Variants in CCDC66 observed in about 807,000 individuals in gnomAD.
CCDC66 encodes coiled-coil domain containing 66.
In CCDC66, 133 loss-of-function variants were observed where a neutral mutation model predicts 128.3. The observed-to-expected ratio is 1.04, with a 90% CI of 0.90 to 1.20. The LOEUF (loss-of-function observed/expected upper bound fraction) is 1.20, where lower values mean the gene tolerates loss of function less well. CCDC66 is among the 50% of genes most tolerant of loss of function. The pLI is 0.00. For missense variants in CCDC66, 1,126 were observed against 1,075.5 expected (o/e 1.05, Z -0.66); for synonymous variants, 387 against 357.0 (o/e 1.08, Z -0.95).
chr3:56,608,311 G>A (rs1054922809), intron 10 of CCDC66, among the ~76,000 whole-genome samples: 1 of 152,088 alleles, frequency 6.6e-6, no homozygotes, highest in African/African-American at 2.4e-5. Flanking sequence ...CTCACTGCTT[G>A]CTATTGGTCT....
rs769219435 is a variant in CCDC66 at position 56,621,515 on chromosome 3, T to TA, written c.2761-16dup. On this transcript the variant is annotated splice_polypyrimidine_tract_variant and intron_variant, in intron 17 of 17. Transcript: ENST00000394672. ...TGTGCACATTTTACTAACAAACATA[T>TA]ATCAATGTGATTTCAGGGCCTTCTC... 24 of 1,537,064 alleles carry TA rather than the reference T, an allele frequency of 1.6e-5. No individual in the cohort carries two copies. Among genetic ancestry groups the TA allele is most frequent in the Non-Finnish European group, 2.1e-5 (24 of 1,127,642 alleles).
intron 7 of CCDC66, among the ~76,000 whole-genome samples, chr3:56,591,598 TTTTC>T (rs1403050888): frequency 1.3e-5 from 2 of 152,218 alleles, no homozygotes; most frequent in African/African-American, 4.8e-5. Flanking sequence ...CAATGCTCGT[TTTTC>T]TTTTCCCATT....
At chr3:56,601,535 T>C (rs1431335915) in intron 10 of CCDC66, among the ~76,000 whole-genome samples, 1 of 152,104 alleles carries the variant, frequency 6.6e-6, no homozygotes, top group Non-Finnish European at 1.5e-5. Context: ...TTGATGGGGA[T>C]AGCATTGAAT....
chr3:56,575,774 C>T (rs2067275684), intron 7 of CCDC66, among the ~76,000 whole-genome samples: 1 of 151,824 alleles, frequency 6.6e-6, no homozygotes, highest in South Asian at 2.1e-4. Context: ...AGGTCAGGGC[C>T]CTACTTTATT....
At chr3:56,597,776 G>GTTTTTTTTTTTTTTTTTTTTT (rs753875788) in intron 10 of CCDC66, among the ~76,000 whole-genome samples, 641 of 61,650 alleles carry the variant, frequency 0.01, 133 homozygotes, top group Non-Finnish European at 0.013. Context: ...TTTGTTTTGG[G>GTTTTTTTTTTTTTTTTTTTTT]GTTTTTTTTT....
At chr3:56,571,547 A>C (rs1045529097) in intron 7 of CCDC66, among the ~76,000 whole-genome samples, 1 of 151,788 alleles carries the variant, frequency 6.6e-6, no homozygotes, top group Non-Finnish European at 1.5e-5. Flanking sequence ...ATGGCCAGCT[A>C]ATTTTTTGTA....
chr3:56,608,590 C>CTTTT (rs59331585), intron 10 of CCDC66, among the ~76,000 whole-genome samples: 5,086 of 152,006 alleles, frequency 0.033, 114 homozygotes, highest in Middle Eastern at 0.078. Flanking sequence ...TTTCATTTGT[C>CTTTT]GTTTGTTTCA....
At chr3:56,562,252 G>A (rs956404174) in intron 3 of CCDC66, among the ~76,000 whole-genome samples, 2 of 151,610 alleles carry the variant, frequency 1.3e-5, no homozygotes, top group African/African-American at 4.8e-5. Context: ...GTCTTCCTGT[G>A]TTGCCCAGGC....
intron 7 of CCDC66, among the ~76,000 whole-genome samples, chr3:56,587,388 C>T (rs2069979633): frequency 6.6e-6 from 1 of 151,816 alleles, no homozygotes; most frequent in African/African-American, 2.4e-5. Context: ...GTTTTGCAGA[C>T]TATACAGAAA....
chr3:56,620,028 C>A, intron 17 of CCDC66, 127 bp downstream of exon 17: 6 of 1,004,124 alleles, frequency 6.0e-6, no homozygotes, highest in Non-Finnish European at 8.5e-6. Context: ...TATTTCAGTT[C>A]CTGTATGTTT....
chr3:56,609,433 A>G (rs1052080243), intron 10 of CCDC66, among the ~76,000 whole-genome samples: 9 of 152,212 alleles, frequency 5.9e-5, no homozygotes, highest in Admixed American at 3.9e-4. Flanking sequence ...TTTGGTGTGC[A>G]TTTGCATGAA....
At chr3:56,576,009 G>A (rs188783907) in intron 7 of CCDC66, among the ~76,000 whole-genome samples, 1 of 151,244 alleles carries the variant, frequency 6.6e-6, no homozygotes, top group Non-Finnish European at 1.5e-5. Context: ...GTCTATTCGT[G>A]GTCCCTTGAG....
intron 7 of CCDC66, among the ~76,000 whole-genome samples, chr3:56,590,552 G>A (rs2070695576): frequency 6.6e-6 from 1 of 152,052 alleles, no homozygotes; most frequent in African/African-American, 2.4e-5. Context: ...GAGCCCAGGA[G>A]TTCAAGGCCA....
At position 56,619,993 on chromosome 3, in the gene CCDC66, G is replaced by A. The variant is rs973989780; in HGVS notation, c.2760+92G>A. The A allele has an allele frequency of 2.8e-5, 38 of 1,366,050 alleles. No individual in the cohort carries two copies. In the Admixed American group the frequency reaches 5.7e-4, roughly 20 times the overall value. 84.6% of individuals were successfully genotyped at this position (1,366,050 alleles called of 1,614,324 possible). On this transcript the variant is annotated intron_variant, in intron 17 of 17. Transcript: ENST00000394672. ...TGAACGGTTTGTTTTAAGTTACTTC[G>A]GTGCATCCCAGGATTTAACAAAAAT... is the stretch of plus-strand genomic sequence containing the variant.
At chr3:56,584,103 GCGGGGGCTGCCCCC>G (rs2069012457) in intron 7 of CCDC66, among the ~76,000 whole-genome samples, 1 of 145,208 alleles carries the variant, frequency 6.9e-6, no homozygotes, top group Admixed American at 6.9e-5. Context: ...GGCTGGCCGG[GCGGGGGCTGCCCCC>G]CACCTCCCTC....
At chr3:56,586,390 G>A (rs1183944494) in intron 7 of CCDC66, among the ~76,000 whole-genome samples, 1 of 151,598 alleles carries the variant, frequency 6.6e-6, no homozygotes, top group Admixed American at 6.6e-5. Flanking sequence ...AATTAGCCGG[G>A]TGTGGTGGCG....
Position 56,557,261 on chromosome 3 carries a change from G to T in CCDC66, c.11+8G>T, listed in dbSNP as rs1291083007. On this transcript the variant is annotated splice_region_variant and intron_variant, in intron 1 of 17. Transcript: ENST00000394672. ...TCAGGCCATGAACTTGGGGTAAGCA[G>T]GGGTAAGCTGGGGTAAGCTGGGGTA... 1 of 1,548,164 alleles carries T rather than the reference G, an allele frequency of 6.5e-7. No individual in the cohort carries two copies. Among genetic ancestry groups the T allele is most frequent in the Non-Finnish European group, 8.7e-7 (1 of 1,146,380 alleles).
rs763699408 is a variant in CCDC66, at chr3:56,617,323, A to T, written c.2055A>T (p.Thr685=). The change falls in exon 14 of 18, where the codon ACA becomes ACT. Residue 685 remains threonine (T), a synonymous_variant. Transcript: ENST00000394672. ...NRCNDQCNQF[T]RIEKQTKHMK... is the part of the protein sequence containing the mutation. ...GTAATGACCAGTGTAATCAGTTCACAAGAATAGAGAAACAAACAAAACACA... is the reference window on the plus strand; with the variant it reads ...GTAATGACCAGTGTAATCAGTTCACTAGAATAGAGAAACAAACAAAACACA... The T allele has an allele frequency of 3.1e-6, 5 of 1,612,820 alleles. No homozygotes were observed. In the South Asian group the frequency reaches 5.5e-5, roughly 18 times the overall value.
At chr3:56,566,458 A>T in intron 4 of CCDC66, 136 bp from the exon 5 acceptor site, 1 of 548,174 alleles carries the variant, frequency 1.8e-6, no homozygotes, top group Non-Finnish European at 3.1e-6. Context: ...AGGGAAACTT[A>T]ATGGCTACCT....
Sources: gnomAD v4.1 joint callset for allele counts (sites outside exome capture counted in the v4.1 genomes callset) on GRCh38, gnomAD v4.1.1 for gene constraint, MANE v1.5 for transcripts, NCBI Gene and HGNC (gene_info 2026-07-23, HGNC 2026-07-21) for gene names.